The following KIF16B variants were observed in gnomAD, a reference collection of about 807,000 sequenced individuals.
The protein encoded by KIF16B is kinesin family member 16B.
Under a neutral mutation model 156.3 loss-of-function variants are expected in KIF16B, and 98 were observed. The observed-to-expected ratio is 0.63, with a 90% CI of 0.53 to 0.74. KIF16B has a LOEUF of 0.74. Among genes scored for constraint, KIF16B ranks in the 30% least tolerant of loss-of-function variants. The pLI is 0.00. For missense variants in KIF16B, 1,421 were observed against 1,606.5 expected, an observed-to-expected ratio of 0.88 and a Z score of 1.97; for synonymous variants, 564 against 583.7, an observed-to-expected ratio of 0.97 and a Z score of 0.49.
chr20:16,571,631 C>CTT (rs869288784), intron 1 of KIF16B, among the ~76,000 whole-genome samples: 6 of 142,974 alleles, frequency 4.2e-5, no homozygotes, highest in Non-Finnish European at 7.7e-5. Flanking sequence ...TTAACAAATA[C>CTT]TTTTTTTTTT....
intron 1 of KIF16B, among the ~76,000 whole-genome samples, chr20:16,558,107 C>A (rs2070920088): frequency 6.6e-6 from 1 of 152,152 alleles, no homozygotes; most frequent in African/African-American, 2.4e-5. Flanking sequence ...GACATTTGAA[C>A]AAAAACTCAA....
chr20:16,369,443 A>G (rs2064762458), intron 22 of KIF16B, among the ~76,000 whole-genome samples: 1 of 138,964 alleles, frequency 7.2e-6, no homozygotes, highest in Non-Finnish European at 1.5e-5. Flanking sequence ...TGATTCATAC[A>G]TAGAACATCA....
intron 23 of KIF16B, among the ~76,000 whole-genome samples, chr20:16,346,937 C>A (rs2064245282): frequency 6.6e-6 from 1 of 152,152 alleles, no homozygotes; most frequent in Non-Finnish European, 1.5e-5. Context: ...AAGTCTCCAC[C>A]AGTCATCATG....
At chr20:16,366,300 G>A (rs1258104398) in intron 22 of KIF16B, among the ~76,000 whole-genome samples, 1 of 152,134 alleles carries the variant, frequency 6.6e-6, no homozygotes, top group African/African-American at 2.4e-5. Context: ...AGTGGTGGCT[G>A]GGTGAGATGC....
chr20:16,282,325 G>A (rs952890574), intron 25 of KIF16B, among the ~76,000 whole-genome samples: 17 of 151,464 alleles, frequency 1.1e-4, no homozygotes, highest in African/African-American at 3.9e-4. Context: ...GAGCCATCGC[G>A]CCTGACGGTG....
intron 12 of KIF16B, among the ~76,000 whole-genome samples, chr20:16,455,204 A>T (rs543481089): frequency 6.6e-6 from 1 of 152,160 alleles, no homozygotes; most frequent in Non-Finnish European, 1.5e-5. Flanking sequence ...TTGTTTTTTT[A>T]AAATATATTT....
chr20:16,442,348 G>GTGTGTGTGTATATA (rs753220723), intron 12 of KIF16B, among the ~76,000 whole-genome samples: 3 of 149,664 alleles, frequency 2.0e-5, no homozygotes, highest in African/African-American at 7.3e-5. Context: ...GTGTGTGTGT[G>GTGTGTGTGTATATA]TATATATATA....
At position 16,506,167 on chromosome 20, in the gene KIF16B, T is replaced by C; in HGVS notation, c.723A>G (p.Pro241=). ...FTQAKFDSEM[P]CETVSKIHLV... is the part of the protein sequence containing the mutation. ...AGTGGATCTTACTGACGGTTTCACA[T>C]GGCATTTCAGAATCAAATTTAGCCT... is the stretch of plus-strand genomic sequence containing the variant. Residue 241 remains proline (P), a synonymous_variant, in exon 8 of 26, where the codon CCA becomes CCG. Coordinates refer to ENST00000354981, the MANE Select transcript of KIF16B (RefSeq NM_024704.5). 1.9e-6 allele frequency: 3 copies of C among 1,614,134 alleles called. No homozygotes were observed. Among genetic ancestry groups the C allele is most frequent in the Non-Finnish European group, 2.5e-6 (3 of 1,179,976 alleles).
At position 16,568,950 on chromosome 20, in the gene KIF16B, T is replaced by C. The variant is rs887990701; in HGVS notation, c.47+4279A>G. On this transcript the variant is annotated intron_variant, in intron 1 of 25. Coordinates refer to ENST00000354981, the MANE Select transcript of KIF16B (RefSeq NM_024704.5). ...TTTGTCTCCCCCTAAAATTCAAATA[T>C]TGAAACCTAACCCCTCACTGAGATA... Among the ~76,000 whole-genome samples, 13 of 150,514 alleles carry C rather than the reference T, an allele frequency of 8.6e-5. 1 individual carries two copies. Among genetic ancestry groups the C allele is most frequent in the African/African-American group, 3.2e-4 (13 of 41,012 alleles).
intron 12 of KIF16B, among the ~76,000 whole-genome samples, chr20:16,483,121 C>T (rs1334682603): frequency 2.0e-5 from 3 of 152,094 alleles, no homozygotes; most frequent in Admixed American, 6.5e-5. Flanking sequence ...TTGGGTAATG[C>T]GTTAGGGAGA....
intron 11 of KIF16B, among the ~76,000 whole-genome samples, chr20:16,496,869 A>G (rs1333324174): frequency 1.3e-5 from 2 of 152,174 alleles, no homozygotes; most frequent in East Asian, 1.9e-4. Context: ...CTACACCCCA[A>G]TTTTTATCTT....
chr20:16,339,969 G>A (rs1046646966), intron 23 of KIF16B, among the ~76,000 whole-genome samples: 1 of 152,084 alleles, frequency 6.6e-6, no homozygotes, highest in Non-Finnish European at 1.5e-5. Context: ...CATTAAGTGT[G>A]ATGGGGCCAT....
At chr20:16,381,612 G>A (rs997284121) in intron 18 of KIF16B, 82 bp downstream of exon 18, 1 of 1,012,312 alleles carries the variant, frequency 9.9e-7, no homozygotes, top group Non-Finnish European at 1.5e-6. Context: ...TATTGAAGCA[G>A]ACACAGATGG....
chr20:16,556,895 C>T (rs1453071778), intron 1 of KIF16B, among the ~76,000 whole-genome samples: 2 of 151,972 alleles, frequency 1.3e-5, no homozygotes, highest in African/African-American at 4.8e-5. Context: ...TAGAATGTTC[C>T]CACTTACCAC....
chr20:16,368,279 T>C (rs545774397), intron 22 of KIF16B: 39 of 1,001,282 alleles, frequency 3.9e-5, no homozygotes, highest in Non-Finnish European at 4.6e-5. Context: ...GGTAAACCTG[T>C]AGCTGCAAAG....
At chr20:16,570,494 T>C (rs2071414519) in intron 1 of KIF16B, among the ~76,000 whole-genome samples, 1 of 152,214 alleles carries the variant, frequency 6.6e-6, no homozygotes, top group Non-Finnish European at 1.5e-5. Flanking sequence ...GCTCAGTTAA[T>C]ATTTATCAAT....
chr20:16,410,118 T>TAC (rs1338073866), intron 15 of KIF16B, among the ~76,000 whole-genome samples: 44 of 134,920 alleles, frequency 3.3e-4, no homozygotes, highest in South Asian at 4.5e-4. Context: ...TAGGTACATA[T>TAC]ATATATGTAG....
Position 16,352,330 on chromosome 20 carries a change from T to A in KIF16B, c.3621+4000A>T, listed in dbSNP as rs528041144. Among the ~76,000 whole-genome samples, 17 of 152,364 alleles carry A rather than the reference T, an allele frequency of 1.1e-4. No individual in the cohort carries two copies. The South Asian group carries it at 3.1e-3, about 28-fold the overall frequency. ...CAAACAACAAAAACCTGTCTACTTA[T>A]ATATCCTCAGTTATTTCATAAAAGA... is the stretch of plus-strand genomic sequence containing the variant. On this transcript the variant is annotated intron_variant, in intron 23 of 25. Transcript: ENST00000354981.
chr20:16,405,364 A>C (rs1191558358), intron 16 of KIF16B, among the ~76,000 whole-genome samples: 1 of 151,024 alleles, frequency 6.6e-6, no homozygotes, highest in East Asian at 2.0e-4. Context: ...ATTGGCAAAC[A>C]TGTTTTTTCC....
Sources: gnomAD v4.1 joint callset for allele counts (sites outside exome capture counted in the v4.1 genomes callset) on GRCh38, gnomAD v4.1.1 for gene constraint, MANE v1.5 for transcripts, NCBI Gene and HGNC (gene_info 2026-07-23, HGNC 2026-07-21) for gene names.